SCTR: variants seen among roughly 807,000 people sequenced by gnomAD.
SCTR encodes pancreatic secretin receptor.
Under a neutral mutation model 60.8 loss-of-function variants are expected in SCTR, and 56 were observed. The observed-to-expected ratio is 0.92, with a 90% CI of 0.74 to 1.15. SCTR has a LOEUF of 1.15. SCTR is among the 50% of genes most tolerant of loss of function. The pLI is 0.00. For synonymous variants in SCTR, 202 were observed against 217.0 expected (o/e 0.93, Z 0.61); for missense variants, 562 against 550.4 (o/e 1.02, Z -0.21).
At chr2:119,478,783 C>A (rs375354773) in intron 3 of SCTR, 28 bp downstream of exon 3, 1 of 1,611,200 alleles carries the variant, frequency 6.2e-7, no homozygotes, top group Non-Finnish European at 8.5e-7. Flanking sequence ...TCAGCCTGTC[C>A]GCCAGGCCCC....
chr2:119,496,765 AAAACTT>A (rs1258390108), intron 1 of SCTR, among the ~76,000 whole-genome samples: 2 of 152,186 alleles, frequency 1.3e-5, no homozygotes, highest in Non-Finnish European at 2.9e-5. Flanking sequence ...AGCGAAACAG[AAAACTT>A]TTAGCCAATA....
intron 1 of SCTR, among the ~76,000 whole-genome samples, chr2:119,523,094 A>T (rs1198643804): frequency 6.6e-6 from 1 of 152,180 alleles, no homozygotes; most frequent in Non-Finnish European, 1.5e-5. Context: ...AGGGAAGACA[A>T]GGAGGCTGGA....
chr2:119,474,043 TCA>T (rs1677154110), intron 3 of SCTR, among the ~76,000 whole-genome samples: 1 of 152,106 alleles, frequency 6.6e-6, no homozygotes, highest in Non-Finnish European at 1.5e-5. Context: ...GCAGCGCCCC[TCA>T]CGGAAGGGTG....
intron 10 of SCTR, among the ~76,000 whole-genome samples, chr2:119,447,968 T>C (rs1001240710): frequency 6.6e-6 from 1 of 152,160 alleles, no homozygotes; most frequent in African/African-American, 2.4e-5. Context: ...TCTCAGAATG[T>C]GACTGCATTT....
At chr2:119,476,256 G>A (rs1677298150) in intron 3 of SCTR, among the ~76,000 whole-genome samples, 1 of 152,148 alleles carries the variant, frequency 6.6e-6, no homozygotes, top group Admixed American at 6.5e-5. Flanking sequence ...GGGTGGGTGG[G>A]AGTTCTTGAT....
At chr2:119,469,732 A>T (rs905898985) in intron 4 of SCTR, among the ~76,000 whole-genome samples, 1 of 152,052 alleles carries the variant, frequency 6.6e-6, no homozygotes, top group Admixed American at 6.6e-5. Flanking sequence ...AGTTCAAGTG[A>T]TTCTCCCAGC....
chr2:119,524,409 C>A lies in SCTR; in HGVS notation c.-183G>T, dbSNP rs967150641. ...ACTGCTCCTCCTCGGACCAGGTGGC[C>A]GCGCGCGCTAAGCCGCCCGCCCCAT... On this transcript the variant is annotated 5_prime_UTR_variant, in exon 1 of 13. Coordinates refer to ENST00000019103, the MANE Select transcript of SCTR (RefSeq NM_002980.3). The A allele has an allele frequency of 2.3e-5, 9 of 391,926 alleles. No individual in the cohort carries two copies. Among genetic ancestry groups the A allele is most frequent in the Non-Finnish European group, 3.1e-5 (7 of 224,668 alleles). 24.3% of individuals were successfully genotyped at this position (391,926 alleles called of 1,614,324 possible). A position where few individuals can be genotyped will look rare whatever the true frequency, so the allele number is the denominator to read the frequency against.
At chr2:119,509,209 C>CTGAA (rs1289544274) in intron 1 of SCTR, among the ~76,000 whole-genome samples, 1 of 152,180 alleles carries the variant, frequency 6.6e-6, no homozygotes, top group African/African-American at 2.4e-5. Flanking sequence ...GTGTAGAAGA[C>CTGAA]TGAACCTAAC....
chr2:119,508,380 CTTCTTTT>C (rs1200003074), intron 1 of SCTR, among the ~76,000 whole-genome samples: 5 of 116,714 alleles, frequency 4.3e-5, no homozygotes, highest in East Asian at 2.7e-4. Flanking sequence ...TCTTCTTCTT[CTTCTTTT>C]TTTTTTTTTT....
intron 1 of SCTR, among the ~76,000 whole-genome samples, chr2:119,504,448 G>A (rs1678663193): frequency 6.6e-6 from 1 of 151,916 alleles, no homozygotes. Context: ...AAAATTAGCT[G>A]GGCGTGGTGG....
At chr2:119,519,443 G>A (rs1471664157) in intron 1 of SCTR, among the ~76,000 whole-genome samples, 1 of 152,118 alleles carries the variant, frequency 6.6e-6, no homozygotes, top group Non-Finnish European at 1.5e-5. Context: ...TTGAAGTTTG[G>A]GAGATAATTT....
At chr2:119,452,136 C>T (rs1683197756) in intron 8 of SCTR, 57 bp from the exon 9 acceptor site, 1 of 1,070,452 alleles carries the variant, frequency 9.3e-7, no homozygotes. Flanking sequence ...GCTGGGCTAA[C>T]CAGCAAGGAC....
At chr2:119,446,314 G>T (rs1157047881) in intron 11 of SCTR, among the ~76,000 whole-genome samples, 1 of 152,080 alleles carries the variant, frequency 6.6e-6, no homozygotes, top group African/African-American at 2.4e-5. Context: ...CGCCACTTGA[G>T]GAGTTTTCAG....
In SCTR at chr2:119,455,986, A is replaced by G. The variant is rs553584480; in HGVS notation, c.791-2639T>C. On this transcript the variant is annotated intron_variant, in intron 7 of 12. Transcript: ENST00000019103. ...AAGGAGTAAAAAGTTCAGGAAGCAA[A>G]ATGGCATGGCACATCCCATAACACT... Among the ~76,000 whole-genome samples, 11 of 152,182 alleles carry G rather than the reference A, an allele frequency of 7.2e-5. No homozygotes were observed. The South Asian group carries it at 2.3e-3, about 32-fold the overall frequency.
intron 1 of SCTR, 86 bp from the exon 2 acceptor site, chr2:119,494,634 T>A: frequency 7.1e-7 from 1 of 1,416,918 alleles, no homozygotes; most frequent in Non-Finnish European, 9.8e-7. Flanking sequence ...CAATGCAGAT[T>A]CAATGGGGAT....
chr2:119,483,735 C>A (rs1163454909), intron 2 of SCTR, among the ~76,000 whole-genome samples: 1 of 152,158 alleles, frequency 6.6e-6, no homozygotes, highest in Non-Finnish European at 1.5e-5. Context: ...TAGGATGAGG[C>A]TAAGTTTTTT....
intron 1 of SCTR, among the ~76,000 whole-genome samples, chr2:119,501,085 T>C (rs1000844908): frequency 7.2e-5 from 11 of 152,112 alleles, no homozygotes; most frequent in African/African-American, 2.7e-4. Flanking sequence ...AAGACAAATA[T>C]TGCATGTTGT....
intron 1 of SCTR, among the ~76,000 whole-genome samples, chr2:119,502,017 C>A (rs373056228): frequency 1.3e-5 from 2 of 152,184 alleles, no homozygotes; most frequent in East Asian, 1.9e-4. Flanking sequence ...GCACTTTGGG[C>A]GGCCAAGGTA....
chr2:119,496,735 C>T (rs990915169), intron 1 of SCTR, among the ~76,000 whole-genome samples: 9 of 152,112 alleles, frequency 5.9e-5, no homozygotes, highest in African/African-American at 1.2e-4. Flanking sequence ...CTTTAGCCAA[C>T]GACCAGGAAA....
Sources: gnomAD v4.1 joint callset for allele counts (sites outside exome capture counted in the v4.1 genomes callset) on GRCh38, gnomAD v4.1.1 for gene constraint, MANE v1.5 for transcripts, NCBI Gene and HGNC (gene_info 2026-07-23, HGNC 2026-07-21) for gene names.